The following DGLUCY variants were observed in gnomAD, a reference collection of about 807,000 sequenced individuals.
DGLUCY encodes the protein D-glutamate cyclase.
In DGLUCY, 58 loss-of-function variants were observed where a neutral mutation model predicts 58.5. That is an observed-to-expected ratio of 0.99 (90% CI 0.80 to 1.23). DGLUCY has a LOEUF of 1.23. Ranked by LOEUF, DGLUCY falls within the 50% of genes most tolerant of loss-of-function variation. DGLUCY has a pLI of 0.00. For synonymous variants in DGLUCY, 325 were observed against 314.1 expected (o/e 1.03, Z -0.37); for missense variants, 779 against 784.7 (o/e 0.99, Z 0.09).
In DGLUCY at chr14:91,135,653, TA is replaced by T. The variant is rs60532081; in HGVS notation, c.-82+21391del. Among the ~76,000 whole-genome samples the T allele has an allele frequency of 3.0e-3, 304 of 100,268 alleles. 2 individuals carry two copies. The highest frequency in any genetic ancestry group is 0.011 in the African/African-American group (277 of 24,992). 65.8% of individuals were successfully genotyped at this position (100,268 alleles called of 152,430 possible). A position where few individuals can be genotyped will look rare whatever the true frequency, so the allele number is the denominator to read the frequency against. ...CAACAAGAGTGAAACTCTGCCTCAT[TA>T]AAAAAAAAAAAAAAAAAAAACAAGT... On this transcript the variant is annotated intron_variant, in intron 1 of 13. Transcript: ENST00000256324.
chr14:91,081,817 T>C (rs533311586), intron 1 of DGLUCY, among the ~76,000 whole-genome samples: 1 of 152,138 alleles, frequency 6.6e-6, no homozygotes, highest in African/African-American at 2.4e-5. Flanking sequence ...TCTCAGCCCA[T>C]GCAACCTCCA....
chr14:91,135,791 T>G (rs2046298797), intron 1 of DGLUCY, among the ~76,000 whole-genome samples: 1 of 151,986 alleles, frequency 6.6e-6, no homozygotes, highest in Non-Finnish European at 1.5e-5. Context: ...TGCTACTAAT[T>G]TTTTTTCTGC....
intron 11 of DGLUCY, among the ~76,000 whole-genome samples, chr14:91,202,066 A>ATAATAATAATAATAATAATAATAG (rs1364076664): frequency 1.0e-4 from 13 of 126,520 alleles, no homozygotes; most frequent in African/African-American, 3.3e-4. Context: ...AAAAATAATA[A>ATAATAATAATAATAATAATAATAG]TAATAATAAT....
At chr14:91,072,077 C>A (rs2140029981) in intron 1 of DGLUCY, among the ~76,000 whole-genome samples, 1 of 152,192 alleles carries the variant, frequency 6.6e-6, no homozygotes, top group East Asian at 1.9e-4. Context: ...AATCCCAGCA[C>A]TTTAGGAGGC....
At chr14:91,172,048 C>T (rs1016461828) in intron 5 of DGLUCY, among the ~76,000 whole-genome samples, 4 of 152,132 alleles carry the variant, frequency 2.6e-5, no homozygotes, top group Admixed American at 6.5e-5. Context: ...CTTCTTCCCT[C>T]CCTCCCTTCT....
chr14:91,191,685 C>A (rs565481285), intron 9 of DGLUCY, among the ~76,000 whole-genome samples: 3 of 152,308 alleles, frequency 2.0e-5, no homozygotes, highest in African/African-American at 7.2e-5. Flanking sequence ...AGTACAGATA[C>A]AGAGGGCAGG....
chr14:91,089,140 TCTGGAAACATCTTGCCCTCCTGCCCAC>T (rs1595627764), intron 1 of DGLUCY, among the ~76,000 whole-genome samples: 1 of 152,324 alleles, frequency 6.6e-6, no homozygotes, highest in East Asian at 1.9e-4. Flanking sequence ...GCTGCAAGAT[TCTGGAAACATCTTGCCCTCCTGCCCAC>T]CATGGGACAG....
intron 1 of DGLUCY, among the ~76,000 whole-genome samples, chr14:91,066,146 G>A (rs1399810653): frequency 6.6e-6 from 1 of 152,306 alleles, no homozygotes; most frequent in East Asian, 1.9e-4. Context: ...GGGAGGCCAA[G>A]GCAGGAGGAT....
intron 13 of DGLUCY, among the ~76,000 whole-genome samples, chr14:91,218,919 C>T (rs1231374833): frequency 1.3e-5 from 2 of 151,850 alleles, no homozygotes; most frequent in African/African-American, 4.8e-5. Context: ...GTGGCTCTCA[C>T]CTGTATTCCC....
chr14:91,196,699 C>G (rs1342467120), intron 10 of DGLUCY, among the ~76,000 whole-genome samples: 1 of 138,272 alleles, frequency 7.2e-6, no homozygotes, highest in Non-Finnish European at 1.5e-5. Context: ...CCCTGGGCAG[C>G]AGAGAGAGAC....
At chr14:91,068,392 G>A (rs2043863249) in intron 1 of DGLUCY, among the ~76,000 whole-genome samples, 1 of 152,204 alleles carries the variant, frequency 6.6e-6, no homozygotes. Flanking sequence ...TTGGGGGCCG[G>A]GCACGGTGGC....
At chr14:91,102,418 T>C (rs2044503184) in intron 1 of DGLUCY, among the ~76,000 whole-genome samples, 1 of 152,114 alleles carries the variant, frequency 6.6e-6, no homozygotes, top group South Asian at 2.1e-4. Context: ...CAGATCATAA[T>C]GTCTAGAATT....
At chr14:91,117,922 T>A (rs1321728814) in intron 1 of DGLUCY, among the ~76,000 whole-genome samples, 1 of 152,146 alleles carries the variant, frequency 6.6e-6, no homozygotes, top group Non-Finnish European at 1.5e-5. Context: ...ATTAGTTAAA[T>A]GAGTTAAGCT....
chr14:91,174,790 G>T (rs1036791040), intron 6 of DGLUCY, among the ~76,000 whole-genome samples: 1 of 152,178 alleles, frequency 6.6e-6, no homozygotes, highest in Admixed American at 6.5e-5. Context: ...GTGTCTGTAG[G>T]GGGGTGGCCT....
intron 1 of DGLUCY, among the ~76,000 whole-genome samples, chr14:91,076,987 G>A (rs1286003868): frequency 6.6e-6 from 1 of 152,146 alleles, no homozygotes; most frequent in Non-Finnish European, 1.5e-5. Context: ...GCTCATGCTT[G>A]TAATCCCAGG....
At chr14:91,063,993 G>C (rs1342598469) in intron 1 of DGLUCY, among the ~76,000 whole-genome samples, 1 of 152,328 alleles carries the variant, frequency 6.6e-6, no homozygotes, top group Non-Finnish European at 1.5e-5. Context: ...AGTAGAGATG[G>C]AGAGAAATGG....
intron 1 of DGLUCY, among the ~76,000 whole-genome samples, chr14:91,085,690 C>T (rs1358268848): frequency 6.6e-6 from 1 of 152,098 alleles, no homozygotes; most frequent in Non-Finnish European, 1.5e-5. Context: ...CTGCCTCAGC[C>T]TCCCAGGTAG....
At chr14:91,156,043 T>A (rs1566970990) in intron 1 of DGLUCY, among the ~76,000 whole-genome samples, 3 of 152,140 alleles carry the variant, frequency 2.0e-5, no homozygotes, top group Admixed American at 1.3e-4. Context: ...TAATAGAGAA[T>A]TCTCCACCTT....
At chr14:91,220,379 A>G in intron 13 of DGLUCY, 1 of 417,918 alleles carries the variant, frequency 2.4e-6, no homozygotes, top group Non-Finnish European at 4.9e-6. Context: ...AATAAATGCC[A>G]ACCGTCATTA....
Sources: gnomAD v4.1 joint callset for allele counts (sites outside exome capture counted in the v4.1 genomes callset) on GRCh38, gnomAD v4.1.1 for gene constraint, MANE v1.5 for transcripts, NCBI Gene and HGNC (gene_info 2026-07-23, HGNC 2026-07-21) for gene names.